CAST: variants seen among roughly 807,000 people sequenced by gnomAD.
The protein encoded by CAST is MIR583 host.
CAST carries 76 observed loss-of-function variants against 119.6 expected under a neutral mutation model. The observed-to-expected ratio is 0.64, with a 90% CI of 0.53 to 0.77. CAST has a LOEUF of 0.77. Among genes scored for constraint, CAST ranks in the 30% least tolerant of loss-of-function variants. The probability of loss-of-function intolerance (pLI) is 0.00; values close to 1 mark genes in which losing one functional copy is unlikely to be tolerated. For synonymous variants in CAST, 319 were observed against 331.6 expected, an observed-to-expected ratio of 0.96 and a Z score of 0.41; for missense variants, 953 against 946.5, an observed-to-expected ratio of 1.01 and a Z score of -0.09.
At chr5:96,310,561 G>T in the CAST span, among the ~76,000 whole-genome samples, 1 of 105,758 alleles carries the variant, frequency 9.5e-6, no homozygotes, top group Non-Finnish European at 2.3e-5. Flanking sequence ...CAGGTCTTAG[G>T]CTTTTTTTTT....
At chr5:96,564,117 T>G (rs1746429641) in intron 1 of CAST, among the ~76,000 whole-genome samples, 1 of 152,218 alleles carries the variant, frequency 6.6e-6, no homozygotes, top group Non-Finnish European at 1.5e-5. Flanking sequence ...TTGCCTCTAC[T>G]TCTGAACAAT....
intron 1 of CAST, among the ~76,000 whole-genome samples, chr5:96,553,724 A>G (rs567287879): frequency 6.6e-6 from 1 of 152,368 alleles, no homozygotes; most frequent in South Asian, 2.1e-4. Context: ...TGCAAAATCA[A>G]TGTGCAAAAA....
intron 3 of CAST, among the ~76,000 whole-genome samples, chr5:96,697,038 C>T (rs533975872): frequency 6.6e-5 from 10 of 151,780 alleles, no homozygotes; most frequent in African/African-American, 2.2e-4. Context: ...TGTGGTGGTG[C>T]GCACCTGTAG....
At chr5:96,708,181 C>A (rs1014157528) in intron 3 of CAST, among the ~76,000 whole-genome samples, 1 of 152,050 alleles carries the variant, frequency 6.6e-6, no homozygotes, top group African/African-American at 2.4e-5. Context: ...TTTAGACATG[C>A]GTTATTTTAT....
chr5:96,538,659 CA>C (rs539305423), intron 1 of CAST, among the ~76,000 whole-genome samples: 251 of 137,072 alleles, frequency 1.8e-3, no homozygotes, highest in Middle Eastern at 0.018. Context: ...TGTTTTGCAA[CA>C]TCTGTTTTTT....
the CAST span, among the ~76,000 whole-genome samples, chr5:96,240,867 G>A: frequency 6.6e-6 from 1 of 151,526 alleles, no homozygotes; most frequent in East Asian, 1.9e-4. Context: ...ACATTAGAGG[G>A]ATTGAAAACC....
At chr5:96,074,103 T>G in the CAST span, among the ~76,000 whole-genome samples, 1 of 152,166 alleles carries the variant, frequency 6.6e-6, no homozygotes, top group African/African-American at 2.4e-5. Context: ...AACTAATTCT[T>G]TCTAGTGAAC....
chr5:96,071,752 A>AT, the CAST span, among the ~76,000 whole-genome samples: 25 of 152,256 alleles, frequency 1.6e-4, no homozygotes, highest in South Asian at 2.1e-4. Context: ...TTTTAAAAAA[A>AT]GTTTTAAAAA....
At chr5:96,597,294 A>G (rs1360661099) in intron 1 of CAST, among the ~76,000 whole-genome samples, 2 of 152,258 alleles carry the variant, frequency 1.3e-5, no homozygotes, top group Admixed American at 6.5e-5. Flanking sequence ...CCTAAAAAAG[A>G]AAAGGATACC....
the CAST span, chr5:96,412,470 T>C: frequency 6.2e-7 from 1 of 1,614,134 alleles, no homozygotes; most frequent in Non-Finnish European, 8.5e-7. Context: ...TCCGTCACAA[T>C]GCCATCCAGC....
chr5:96,048,147 T>C, the CAST span, among the ~76,000 whole-genome samples: 3 of 152,174 alleles, frequency 2.0e-5, no homozygotes, highest in South Asian at 6.2e-4. Flanking sequence ...GCTCAGTTTG[T>C]TATAAAAGTG....
At chr5:96,644,207 T>C (rs1747989949) in intron 1 of CAST, among the ~76,000 whole-genome samples, 2 of 152,214 alleles carry the variant, frequency 1.3e-5, no homozygotes, top group African/African-American at 2.4e-5. Flanking sequence ...AATAAAACCA[T>C]TATTTAAAAA....
chr5:96,309,608 C>G, the CAST span, among the ~76,000 whole-genome samples: 1 of 152,218 alleles, frequency 6.6e-6, no homozygotes, highest in African/African-American at 2.4e-5. Context: ...ATCTCCTGGT[C>G]TGCTGGTTAG....
intron 1 of CAST, among the ~76,000 whole-genome samples, chr5:96,601,891 A>G (rs1326289563): frequency 6.6e-6 from 1 of 152,192 alleles, no homozygotes; most frequent in Non-Finnish European, 1.5e-5. Context: ...GGTGTATCCA[A>G]AAGTATAGTC....
the CAST span, among the ~76,000 whole-genome samples, chr5:96,263,104 C>T: frequency 6.6e-6 from 1 of 152,154 alleles, no homozygotes. Context: ...GCCAGGGATC[C>T]ATCCCAGACA....
At chr5:96,739,403 A>G (rs1187010248) in intron 11 of CAST, among the ~76,000 whole-genome samples, 1 of 152,260 alleles carries the variant, frequency 6.6e-6, no homozygotes, top group Non-Finnish European at 1.5e-5. Flanking sequence ...TTATTCATGT[A>G]TCAACATGGA....
the CAST span, among the ~76,000 whole-genome samples, chr5:96,129,176 G>A: frequency 2.0e-5 from 3 of 152,092 alleles, no homozygotes; most frequent in Non-Finnish European, 2.9e-5. Context: ...TTAAAAGTCA[G>A]ATGCAATCTA....
the CAST span, among the ~76,000 whole-genome samples, chr5:96,283,611 C>A: frequency 4.6e-5 from 7 of 152,190 alleles, no homozygotes; most frequent in Non-Finnish European, 1.0e-4. Context: ...CTGGTCCAGA[C>A]TAAAGTTCAA....
At chr5:96,387,637 C>T in the CAST span, among the ~76,000 whole-genome samples, 3 of 152,150 alleles carry the variant, frequency 2.0e-5, no homozygotes, top group Non-Finnish European at 4.4e-5. Flanking sequence ...CCATGGAACA[C>T]TCAAATGATA....
Sources: gnomAD v4.1 joint callset for allele counts (sites outside exome capture counted in the v4.1 genomes callset) on GRCh38, gnomAD v4.1.1 for gene constraint, MANE v1.5 for transcripts, NCBI Gene and HGNC (gene_info 2026-07-23, HGNC 2026-07-21) for gene names.